Variants in FAM13A observed in about 807,000 individuals in gnomAD.
The protein encoded by FAM13A is protein FAM13A.
In FAM13A, 76 loss-of-function variants were observed where a neutral mutation model predicts 129.6. That is an observed-to-expected ratio of 0.59 (90% CI 0.49 to 0.71). The LOEUF is 0.71. Ranked by LOEUF, FAM13A falls within the 30% of genes least tolerant of loss-of-function variation. FAM13A has a pLI of 0.00. For missense variants in FAM13A, 1,108 were observed against 1,249.3 expected (o/e 0.89, Z 1.70); for synonymous variants, 443 against 449.9 (o/e 0.98, Z 0.20).
intron 8 of FAM13A, among the ~76,000 whole-genome samples, chr4:88,793,671 T>C (rs2149687470): frequency 6.6e-6 from 1 of 152,124 alleles, no homozygotes; most frequent in South Asian, 2.1e-4. Flanking sequence ...ATGAAAGGTC[T>C]GGCTAGTGAT....
In FAM13A at chr4:88,805,000, CA is replaced by C. The variant is rs1361459154; in HGVS notation, c.1049+10del. 3 of 1,530,152 alleles carry C rather than the reference CA, an allele frequency of 2.0e-6. No homozygotes were observed. The highest frequency in any genetic ancestry group is 2.7e-6 in the Non-Finnish European group (3 of 1,107,210). The allele number at this position is 1,530,152 out of a possible 1,614,324, so 94.8% of individuals were successfully genotyped here. A position where few individuals can be genotyped will look rare whatever the true frequency, so the allele number is the denominator to read the frequency against. ...TTCCCTGTAGTAGACCAACAAAAATCAAATAAATACCTCAAATAGAAAGGTG... is the reference window on the plus strand; with the variant it reads ...TTCCCTGTAGTAGACCAACAAAAATCAATAAATACCTCAAATAGAAAGGTG... On this transcript the variant is annotated intron_variant, in intron 8 of 23. Transcript: ENST00000264344.
intron 13 of FAM13A, among the ~76,000 whole-genome samples, chr4:88,760,915 A>G (rs1046782454): frequency 1.3e-5 from 2 of 152,180 alleles, no homozygotes; most frequent in Middle Eastern, 3.2e-3. Flanking sequence ...ATTTTCTCAA[A>G]AAGATTTATA....
chr4:88,946,790 A>C (rs1361253867), intron 4 of FAM13A, among the ~76,000 whole-genome samples: 1 of 152,106 alleles, frequency 6.6e-6, no homozygotes, highest in Non-Finnish European at 1.5e-5. Context: ...TCCTGAAAGT[A>C]ATAGTACCAG....
intron 6 of FAM13A, among the ~76,000 whole-genome samples, chr4:88,854,308 C>T (rs564995692): frequency 1.3e-5 from 2 of 152,316 alleles, no homozygotes; most frequent in South Asian, 4.1e-4. Context: ...CTCCATGAGG[C>T]TCAGGCAAGC....
In FAM13A at chr4:88,727,985, G is replaced by A. The variant is rs1485975256; in HGVS notation, c.*548C>T. On this transcript the variant is annotated 3_prime_UTR_variant, in exon 24 of 24. Coordinates refer to ENST00000264344, the MANE Select transcript of FAM13A (RefSeq NM_014883.4). ...AGGGGAAAACCTTTCACACACGTGA[G>A]GAAGGCGCAGCTCTGTGGAAAGGTC... 3 of 152,934 alleles carry A rather than the reference G, an allele frequency of 2.0e-5. No individual in the cohort carries two copies. The highest frequency in any genetic ancestry group is 7.2e-5 in the African/African-American group (3 of 41,460). The allele number at this position is 152,934 out of a possible 1,614,324, so 9.5% of individuals were successfully genotyped here.
intron 7 of FAM13A, among the ~76,000 whole-genome samples, chr4:88,850,235 A>C (rs1234197153): frequency 1.3e-5 from 2 of 152,166 alleles, no homozygotes; most frequent in South Asian, 2.1e-4. Context: ...GTAGTAAATA[A>C]AATTCAAGCC....
chr4:88,963,461 C>T (rs1009689352), intron 4 of FAM13A, among the ~76,000 whole-genome samples: 2 of 152,080 alleles, frequency 1.3e-5, no homozygotes, highest in Non-Finnish European at 2.9e-5. Flanking sequence ...CCATGCCCAG[C>T]GAATTTTTGT....
chr4:89,020,493 C>T lies in FAM13A; in HGVS notation c.394G>A (p.Ala132Thr). The change falls in exon 3 of 24, where the codon GCG becomes ACG. Residue 132 changes from alanine (A) to threonine (T), a missense_variant. Transcript: ENST00000264344. ...AGTTGAATGAATCGAGGCTGCAACG[C>T]TGAGGTGATCAGACTGTCAGGCAGC... is the stretch of plus-strand genomic sequence containing the variant. ...RELPDSLITSALQPRFIQLFQ... is the reference protein window; with the variant it reads ...RELPDSLITSTLQPRFIQLFQ... 6.2e-7 allele frequency: 1 copy of T among 1,614,048 alleles called. No individual in the cohort carries two copies. Among genetic ancestry groups the T allele is most frequent in the African/African-American group, 1.3e-5 (1 of 75,014 alleles).
chr4:88,937,639 G>T (rs1196003910), intron 5 of FAM13A: 1 of 165,542 alleles, frequency 6.0e-6, no homozygotes, highest in Non-Finnish European at 1.3e-5. Flanking sequence ...ACTAATATAT[G>T]GGACTTAGAA....
At chr4:88,860,773 C>T (rs946536530) in intron 6 of FAM13A, among the ~76,000 whole-genome samples, 1 of 152,158 alleles carries the variant, frequency 6.6e-6, no homozygotes, top group African/African-American at 2.4e-5. Flanking sequence ...ACTCCTTTTG[C>T]CAAACTCTGA....
chr4:88,813,216 A>G (rs569461099), intron 7 of FAM13A, among the ~76,000 whole-genome samples: 35 of 152,164 alleles, frequency 2.3e-4, no homozygotes, highest in African/African-American at 8.2e-4. Context: ...AGAGTAGGGG[A>G]AAAAAAATTA....
In FAM13A at chr4:88,750,421, T is replaced by C. The variant is rs757409998; in HGVS notation, c.1940+3A>G. 17 of 1,610,584 alleles carry C rather than the reference T, an allele frequency of 1.1e-5. No individual in the cohort carries two copies. The highest frequency in any genetic ancestry group is 1.7e-5 in the Admixed American group (1 of 60,024). On this transcript the variant is annotated splice_donor_region_variant and intron_variant, in intron 15 of 23. Transcript: ENST00000264344. ...TGTCTATCAGCAACACAGAGAAACA[T>C]ACCTCATGAAAGAATGGGAGTTTGG... is the stretch of plus-strand genomic sequence containing the variant.
chr4:88,949,979 G>A (rs377753972), intron 4 of FAM13A, among the ~76,000 whole-genome samples: 14 of 152,182 alleles, frequency 9.2e-5, no homozygotes, highest in South Asian at 2.1e-4. Context: ...TTTTGGATAC[G>A]TTGGAAAAAT....
At chr4:88,848,803 T>G (rs1737095931) in intron 7 of FAM13A, among the ~76,000 whole-genome samples, 1 of 152,200 alleles carries the variant, frequency 6.6e-6, no homozygotes, top group Non-Finnish European at 1.5e-5. Context: ...TGGGATATAG[T>G]TTTTCATGAT....
chr4:88,919,903 A>G (rs934407770), intron 5 of FAM13A, among the ~76,000 whole-genome samples: 1 of 152,270 alleles, frequency 6.6e-6, no homozygotes, highest in African/African-American at 2.4e-5. Flanking sequence ...TATATCGCGC[A>G]CATGGCTCGG....
intron 4 of FAM13A, among the ~76,000 whole-genome samples, chr4:88,985,944 C>T (rs1233478974): frequency 1.3e-5 from 2 of 151,450 alleles, no homozygotes; most frequent in African/African-American, 4.9e-5. Flanking sequence ...AGAATGCACA[C>T]ATATAGACAT....
chr4:88,797,716 G>C lies in FAM13A; in HGVS notation c.1050-7089C>G, dbSNP rs1378900399. On this transcript the variant is annotated intron_variant, in intron 8 of 23. Transcript: ENST00000264344. ...TAAAGTCTCTTCTAAAACATTTCTA[G>C]GGTTGTTTTTCCCTCCTCATTTCAG... Among the ~76,000 whole-genome samples the C allele has an allele frequency of 7.2e-5, 11 of 152,096 alleles. No homozygotes were observed. In the East Asian group the frequency reaches 2.1e-3, roughly 29 times the overall value.
In FAM13A at chr4:88,991,038, C is replaced by A; in HGVS notation, c.540G>T (p.Lys180Asn). 6.2e-7 allele frequency: 1 copy of A among 1,614,110 alleles called. No homozygotes were observed. Among genetic ancestry groups the A allele is most frequent in the Non-Finnish European group, 8.5e-7 (1 of 1,179,990 alleles). The change falls in exon 4 of 24, where the codon AAG becomes AAT. Residue 180 changes from lysine to asparagine, a missense_variant. By Grantham distance (94) the Lys-to-Asn change is moderately conservative. Around this residue, in one of 3 missense-constraint regions of FAM13A, gnomAD observed 566 missense variants for 595.7 expected, o/e 0.95. Transcript: ENST00000264344. ...CATTCATGCGATTCTGCACATGATG[C>A]TTGGCTACTTTTGTCAAGAACTGGC... ...YLCQFLTKVA[K>N]HHVQNRMNVH...
At chr4:89,016,217 T>TA (rs1188063187) in intron 3 of FAM13A, among the ~76,000 whole-genome samples, 3 of 149,176 alleles carry the variant, frequency 2.0e-5, no homozygotes, top group Non-Finnish European at 4.5e-5. Context: ...TTTTACAAAG[T>TA]AAAAAAAGAA....
Sources: allele counts gnomAD v4.1 joint callset (sites outside exome capture counted in the v4.1 genomes callset), GRCh38; gene constraint gnomAD v4.1.1; regional missense constraint gnomAD v4.1.1; transcripts MANE v1.5; gene names NCBI Gene and HGNC (gene_info 2026-07-23, HGNC 2026-07-21).